C11orf65: variants seen among roughly 807,000 people sequenced by gnomAD.
C11orf65 encodes the protein chromosome 11 open reading frame 65.
In C11orf65, 38 loss-of-function variants were observed where a neutral mutation model predicts 35.3. The ratio of observed to expected loss-of-function variants is 1.08; its 90% CI spans 0.83 to 1.41. C11orf65 has a LOEUF of 1.41. Ranked by LOEUF, C11orf65 falls within the 40% of genes most tolerant of loss-of-function variation. The pLI, the probability that C11orf65 is intolerant of heterozygous loss-of-function variation, is 0.00. For synonymous variants in C11orf65, 105 were observed against 114.4 expected, an observed-to-expected ratio of 0.92 and a Z score of 0.53; for missense variants, 370 against 367.1, an observed-to-expected ratio of 1.01 and a Z score of -0.06.
chr11:108,320,441 G>A (rs965250720), intron 6 of C11orf65, among the ~76,000 whole-genome samples: 1 of 152,176 alleles, frequency 6.6e-6, no homozygotes, highest in Non-Finnish European at 1.5e-5. Flanking sequence ...GAGGCATGAG[G>A]AAATAATTAT....
At chr11:108,370,233 A>G (rs1420409544) in intron 2 of C11orf65, among the ~76,000 whole-genome samples, 1 of 151,954 alleles carries the variant, frequency 6.6e-6, no homozygotes, top group African/African-American at 2.4e-5. Context: ...AGTTTTTCCT[A>G]ATTATTACTG....
intron 1 of C11orf65, among the ~76,000 whole-genome samples, chr11:108,465,787 C>T (rs1173652283): frequency 6.6e-6 from 1 of 151,626 alleles, no homozygotes; most frequent in Non-Finnish European, 1.5e-5. Context: ...GAGTTTGAGA[C>T]CAGCCTGACC....
intron 6 of C11orf65, among the ~76,000 whole-genome samples, chr11:108,317,674 C>CTA (rs1241876600): frequency 0.012 from 1,495 of 128,818 alleles, 9 homozygotes; most frequent in East Asian, 0.051. Context: ...CACACACACA[C>CTA]TATATATATA....
At chr11:108,388,259 C>A (rs1484350120) in intron 7 of C11orf65, among the ~76,000 whole-genome samples, 2 of 152,150 alleles carry the variant, frequency 1.3e-5, no homozygotes, top group African/African-American at 2.4e-5. Context: ...TAGCACATGA[C>A]TTTTATTCCA....
At chr11:108,347,050 A>AT (rs771962507) in intron 2 of C11orf65, among the ~76,000 whole-genome samples, 2 of 152,090 alleles carry the variant, frequency 1.3e-5, no homozygotes, top group Non-Finnish European at 2.9e-5. Flanking sequence ...TAAAGAGAAA[A>AT]TTTTTTTAGC....
downstream of C11orf65, among the ~76,000 whole-genome samples, chr11:108,326,762 A>G (rs551289789): frequency 6.6e-6 from 1 of 152,348 alleles, no homozygotes; most frequent in East Asian, 1.9e-4. Flanking sequence ...AGGTTTGTCT[A>G]CAGTGGTGTC....
intron 3 of C11orf65, among the ~76,000 whole-genome samples, chr11:108,428,903 T>C (rs369188630): frequency 1.7e-4 from 26 of 152,122 alleles, no homozygotes; most frequent in African/African-American, 5.5e-4. Context: ...TCCCAGCACA[T>C]TGGGAGGCCA....
chr11:108,334,598 T>A (rs2086628276), intron 3 of C11orf65, among the ~76,000 whole-genome samples: 1 of 152,240 alleles, frequency 6.6e-6, no homozygotes, highest in African/African-American at 2.4e-5. Flanking sequence ...AATGTAGCTG[T>A]ATCATGTGGA....
intron 2 of C11orf65, among the ~76,000 whole-genome samples, chr11:108,372,321 G>A (rs1037506752): frequency 4.6e-5 from 7 of 152,128 alleles, no homozygotes; most frequent in African/African-American, 9.7e-5. Context: ...AGCCTCCCAA[G>A]TAGCTGGGAC....
intron 3 of C11orf65, among the ~76,000 whole-genome samples, chr11:108,332,541 A>G (rs1214445773): frequency 6.6e-6 from 1 of 152,210 alleles, no homozygotes; most frequent in African/African-American, 2.4e-5. Context: ...AGCAGTTGGC[A>G]AAGTGAAACA....
In C11orf65 at chr11:108,311,663, A is replaced by C. The variant is rs778984346; in HGVS notation, c.641-2592T>G. Among the ~76,000 whole-genome samples, 485 of 151,986 alleles carry C rather than the reference A, an allele frequency of 3.2e-3. 1 individual carries two copies. The highest frequency in any genetic ancestry group is 5.7e-3 in the Non-Finnish European group (388 of 67,974). The stretch of plus-strand genomic sequence containing the variant: ...CAGTGAGCCATGATTGTGCCACTGC[A>C]CTCCAGCCTAGGCGACAGAGCGAGA... On this transcript the variant is annotated intron_variant, in intron 6 of 6. Coordinates refer to the C11orf65 transcript ENST00000525729.
chr11:108,431,863 A>C (rs2135425869), intron 2 of C11orf65, 25 bp from the exon 3 acceptor site: 61 of 1,372,504 alleles, frequency 4.4e-5, no homozygotes, highest in Non-Finnish European at 5.7e-5. Context: ...ACAAGATTTC[A>C]TGATCAAAAC....
chr11:108,423,931 G>GA (rs1361470433), intron 3 of C11orf65, among the ~76,000 whole-genome samples: 11 of 152,130 alleles, frequency 7.2e-5, no homozygotes, highest in Non-Finnish European at 2.9e-5. Flanking sequence ...CAAAGGTAGA[G>GA]AAAACCACAA....
Position 108,319,978 on chromosome 11 carries a change from C to T in C11orf65, c.641-10907G>A, listed in dbSNP as rs904589402. On this transcript the variant is annotated intron_variant, in intron 6 of 6. Coordinates refer to the C11orf65 transcript ENST00000525729. ...GCAAAGAAGTAGAAGGAACCAGTTA[C>T]CATGAATCATTGTACAATGCTCTAC... The T allele has an allele frequency of 6.2e-7, 1 of 1,612,306 alleles. No individual in the cohort carries two copies. Among genetic ancestry groups the T allele is most frequent in the Non-Finnish European group, 8.5e-7 (1 of 1,178,594 alleles).
rs1367617850 is a variant in C11orf65, at chr11:108,325,343, T to C, written c.641-16272A>G. ...CACATAGACAACTCTCTGAAGTATATATTAAGTGGCAGAAACACTCCCAGC... is the reference window on the plus strand; with the variant it reads ...CACATAGACAACTCTCTGAAGTATACATTAAGTGGCAGAAACACTCCCAGC... On this transcript the variant is annotated intron_variant, in intron 6 of 6. Coordinates refer to the C11orf65 transcript ENST00000525729. 6.2e-7 allele frequency: 1 copy of C among 1,610,826 alleles called. No homozygotes were observed. Among genetic ancestry groups the C allele is most frequent in the South Asian group, 1.1e-5 (1 of 90,928 alleles).
intron 6 of C11orf65, among the ~76,000 whole-genome samples, chr11:108,315,523 A>T (rs754860930): frequency 2.0e-5 from 3 of 152,068 alleles, no homozygotes; most frequent in South Asian, 2.1e-4. Context: ...CTTTTAAAAA[A>T]TTTTTCAGTA....
chr11:108,380,768 G>A (rs1458746675), downstream of C11orf65, among the ~76,000 whole-genome samples: 1 of 152,190 alleles, frequency 6.6e-6, no homozygotes, highest in Non-Finnish European at 1.5e-5. Context: ...GATTATATCA[G>A]ACCCATTCTT....
intron 7 of C11orf65, 85 bp downstream of exon 7, chr11:108,393,120 GCCC>G: frequency 7.4e-7 from 1 of 1,342,754 alleles, no homozygotes; most frequent in Non-Finnish European, 1.0e-6. Context: ...ATTGTTTGTG[GCCC>G]CAAGATTCAA....
At chr11:108,383,981 G>C (rs902812546) in intron 8 of C11orf65, among the ~76,000 whole-genome samples, 3 of 151,064 alleles carry the variant, frequency 2.0e-5, no homozygotes, top group African/African-American at 7.3e-5. Flanking sequence ...TCCCGCCTCA[G>C]CTTCCCAAGT....
Sources: allele counts gnomAD v4.1 joint callset (sites outside exome capture counted in the v4.1 genomes callset), GRCh38; gene constraint gnomAD v4.1.1; transcripts MANE v1.5; gene names NCBI Gene and HGNC (gene_info 2026-07-23, HGNC 2026-07-21).